Variants in SDCCAG8 observed in about 807,000 individuals in gnomAD.
The protein encoded by SDCCAG8 is SHH signaling and ciliogenesis regulator SDCCAG8, also known as serologically defined colon cancer antigen 8.
SDCCAG8 carries 74 observed loss-of-function variants against 101.8 expected under a neutral mutation model. That is an observed-to-expected ratio of 0.73 (90% CI 0.60 to 0.88). SDCCAG8 has a LOEUF of 0.88. Ranked by LOEUF, SDCCAG8 falls within the 40% of genes least tolerant of loss-of-function variation. SDCCAG8 has a pLI of 0.00. For missense variants in SDCCAG8, 787 were observed against 822.6 expected, an observed-to-expected ratio of 0.96 and a Z score of 0.53; for synonymous variants, 281 against 292.9, an observed-to-expected ratio of 0.96 and a Z score of 0.41.
chr1:243,443,961 A>G (rs2082719998), intron 16 of SDCCAG8, among the ~76,000 whole-genome samples: 1 of 152,156 alleles, frequency 6.6e-6, no homozygotes, highest in Admixed American at 6.5e-5. Context: ...GAACTCTTGG[A>G]ATAGCTGAAT....
At chr1:243,475,999 A>T (rs919024616) in intron 16 of SDCCAG8, 14 of 985,494 alleles carry the variant, frequency 1.4e-5, no homozygotes, top group Non-Finnish European at 1.6e-5. Context: ...TGAGCCCTCC[A>T]GCAGGCCTAA....
At chr1:243,396,527 T>C (rs2079044659) in intron 13 of SDCCAG8, among the ~76,000 whole-genome samples, 1 of 152,224 alleles carries the variant, frequency 6.6e-6, no homozygotes, top group Admixed American at 6.5e-5. Flanking sequence ...AGCCTTTCAG[T>C]GTAAAATTTC....
chr1:243,374,012 A>C (rs2147891191), intron 12 of SDCCAG8, among the ~76,000 whole-genome samples: 1 of 152,214 alleles, frequency 6.6e-6, no homozygotes, highest in Non-Finnish European at 1.5e-5. Flanking sequence ...AAAACATTTA[A>C]ATACTGTATA....
At chr1:243,328,248 A>T (rs1020850501) in intron 9 of SDCCAG8, among the ~76,000 whole-genome samples, 1 of 151,036 alleles carries the variant, frequency 6.6e-6, no homozygotes. Flanking sequence ...ACGCTAAGAG[A>T]CATCAGTAAC....
At position 243,304,663 on chromosome 1, in the gene SDCCAG8, T is replaced by C. The variant is rs764592655; in HGVS notation, c.676-50T>C. 16 of 995,000 alleles carry C rather than the reference T, an allele frequency of 1.6e-5. No homozygotes were observed. The Admixed American group carries it at 3.0e-4, about 18-fold the overall frequency. 61.6% of individuals were successfully genotyped at this position (995,000 alleles called of 1,614,324 possible). ...AATATTAAAAATTAAAGTTTACTTA[T>C]AAAATACAGGACATAGAGAAAAATG... is the stretch of plus-strand genomic sequence containing the variant. On this transcript the variant is annotated intron_variant, in intron 6 of 17. Transcript: ENST00000366541.
At chr1:243,415,517 T>C (rs2080512793) in intron 13 of SDCCAG8, among the ~76,000 whole-genome samples, 185 bp from the exon 14 acceptor site, 1 of 152,208 alleles carries the variant, frequency 6.6e-6, no homozygotes, top group African/African-American at 2.4e-5. Flanking sequence ...ATGGCACGTA[T>C]TTAACACTGT....
At chr1:243,296,241 C>T (rs2070862568) in intron 6 of SDCCAG8, among the ~76,000 whole-genome samples, 1 of 152,148 alleles carries the variant, frequency 6.6e-6, no homozygotes, top group African/African-American at 2.4e-5. Context: ...AGTGATCCAC[C>T]ATCTTCAGCC....
At chr1:243,288,148 C>T (rs932858562) in intron 5 of SDCCAG8, among the ~76,000 whole-genome samples, 6 of 152,054 alleles carry the variant, frequency 3.9e-5, no homozygotes, top group Non-Finnish European at 7.4e-5. Flanking sequence ...GTTACCCCCA[C>T]GTTTTACCTG....
At chr1:243,472,474 T>C (rs1207569470) in intron 16 of SDCCAG8, among the ~76,000 whole-genome samples, 1 of 152,132 alleles carries the variant, frequency 6.6e-6, no homozygotes, top group Non-Finnish European at 1.5e-5. Context: ...CTTCCTCCTT[T>C]CTCACAGGCA....
At chr1:243,480,344 G>GGGAT (rs1558526719) in intron 16 of SDCCAG8, among the ~76,000 whole-genome samples, 6 of 116,204 alleles carry the variant, frequency 5.2e-5, no homozygotes, top group African/African-American at 1.0e-4. Flanking sequence ...ATGGATAGGT[G>GGGAT]GGATGGATGG....
chr1:243,469,939 C>T (rs34237495), intron 16 of SDCCAG8, among the ~76,000 whole-genome samples: 1 of 148,224 alleles, frequency 6.7e-6, no homozygotes, highest in Non-Finnish European at 1.5e-5. Context: ...AGGGGTACTT[C>T]AGATAACATG....
At chr1:243,389,481 T>C (rs1033860640) in intron 13 of SDCCAG8, among the ~76,000 whole-genome samples, 6 of 152,210 alleles carry the variant, frequency 3.9e-5, no homozygotes, top group African/African-American at 1.4e-4. Flanking sequence ...TTAGTGTCTA[T>C]GGCAAGATAA....
intron 12 of SDCCAG8, among the ~76,000 whole-genome samples, chr1:243,374,134 C>T (rs1181598156): frequency 6.6e-6 from 1 of 151,922 alleles, no homozygotes; most frequent in African/African-American, 2.4e-5. Context: ...AGAAAATTTT[C>T]TTAACGTTCA....
At chr1:243,300,653 C>T (rs1000135103) in intron 6 of SDCCAG8, among the ~76,000 whole-genome samples, 2 of 152,178 alleles carry the variant, frequency 1.3e-5, no homozygotes, top group African/African-American at 2.4e-5. Flanking sequence ...ACTTACTTTC[C>T]AAACATGGTT....
chr1:243,287,371 T>A (rs1041701361), intron 5 of SDCCAG8, among the ~76,000 whole-genome samples: 3 of 152,084 alleles, frequency 2.0e-5, no homozygotes, highest in African/African-American at 7.2e-5. Context: ...AACATGAAAG[T>A]CTTGATGTTT....
chr1:243,379,804 A>G (rs1366165517), intron 13 of SDCCAG8, among the ~76,000 whole-genome samples: 1 of 152,232 alleles, frequency 6.6e-6, no homozygotes, highest in African/African-American at 2.4e-5. Flanking sequence ...TCTTCCAATC[A>G]TAGTAATATG....
chr1:243,348,704 TGGC>T (rs1044555918), intron 12 of SDCCAG8, among the ~76,000 whole-genome samples: 4 of 151,570 alleles, frequency 2.6e-5, no homozygotes, highest in African/African-American at 9.7e-5. Flanking sequence ...CCGGGCGTGG[TGGC>T]TCACGCCTGT....
intron 7 of SDCCAG8, chr1:243,305,508 A>C (rs1430433145): frequency 1.3e-5 from 2 of 152,120 alleles, no homozygotes; most frequent in East Asian, 3.9e-4. Context: ...TTGAGTATAT[A>C]TGATGAATAT....
chr1:243,439,998 T>A (rs546032729), intron 16 of SDCCAG8, among the ~76,000 whole-genome samples: 2 of 152,338 alleles, frequency 1.3e-5, no homozygotes, highest in Middle Eastern at 3.4e-3. Flanking sequence ...TTAAAAAGAC[T>A]TTTTAATTGC....
Sources: gnomAD v4.1 joint callset for allele counts (sites outside exome capture counted in the v4.1 genomes callset) on GRCh38, gnomAD v4.1.1 for gene constraint, MANE v1.5 for transcripts, NCBI Gene and HGNC (gene_info 2026-07-23, HGNC 2026-07-21) for gene names.